PIDD1: variants seen among roughly 807,000 people sequenced by gnomAD.
PIDD1 encodes the protein p53-induced death domain protein 1, also known as p53-induced death domain-containing protein 1.
A neutral mutation model predicts 80.0 loss-of-function variants in PIDD1; 72 were observed. That is an observed-to-expected ratio of 0.90 (90% CI 0.74 to 1.09). The LOEUF is 1.09. PIDD1 is among the 50% of genes least tolerant of loss of function. PIDD1 has a pLI of 0.00. For synonymous variants in PIDD1, 655 were observed against 543.5 expected (o/e 1.21, Z -2.85); for missense variants, 1,329 against 1,228.3 (o/e 1.08, Z -1.23).
chr11:801,865 GGGGCA>G (rs1565059926), intron 7 of PIDD1, 95 bp downstream of exon 7: 2 of 1,458,842 alleles, frequency 1.4e-6, no homozygotes, highest in East Asian at 2.4e-5. Flanking sequence ...CAGGAGGGAC[GGGGCA>G]GGGTGGAAGG....
upstream of PIDD1, among the ~76,000 whole-genome samples, chr11:808,125 A>G (rs1865872374): frequency 1.2e-5 from 1 of 80,422 alleles, no homozygotes; most frequent in African/African-American, 5.1e-5. Flanking sequence ...GTTTGGGATA[A>G]TAAAAAAAAA....
Position 801,320 on chromosome 11 carries a change from G to C in PIDD1, c.1528C>G (p.Pro510Ala). Reference protein sequence around the residue: ...GRELQALLGEPEAAVSPLLCL... With the variant: ...GRELQALLGEAEAAVSPLLCL... ...AGCAGGGGGCTCACTGCAGCCTCTG[G>C]TTCTCCCAGGAGGGCCTGCAGCTCT... Residue 510 changes from proline to alanine, a missense_variant, in exon 9 of 16, where the codon CCA becomes GCA. Coordinates refer to ENST00000347755, the MANE Select transcript of PIDD1 (RefSeq NM_145886.4). 2 of 1,607,108 alleles carry C rather than the reference G, an allele frequency of 1.2e-6. No individual in the cohort carries two copies. Among genetic ancestry groups the C allele is most frequent in the Non-Finnish European group, 1.7e-6 (2 of 1,176,804 alleles).
In PIDD1 at chr11:804,328, C is replaced by T; in HGVS notation, c.61G>A (p.Glu21Lys). The change falls in exon 2 of 16, where the codon GAG becomes AAG. Residue 21 changes from glutamate to lysine, a missense_variant. Glu to Lys is a moderately conservative substitution (Grantham distance 56). Coordinates refer to ENST00000347755, the MANE Select transcript of PIDD1 (RefSeq NM_145886.4). ...EAAAAAGDAS[E>K]DSDAGSRALP... ...GCCCTGGACCCTGCGTCCGAATCCT[C>T]TGAAGCATCTCCTGCGGCAGCAGCT... 1 of 1,611,400 alleles carries T rather than the reference C, an allele frequency of 6.2e-7. No homozygotes were observed. Among genetic ancestry groups the T allele is most frequent in the African/African-American group, 1.3e-5 (1 of 75,044 alleles).
Position 803,379 on chromosome 11 carries a change from C to T in PIDD1, c.504G>A (p.Gly168=). The T allele has an allele frequency of 1.2e-6, 2 of 1,613,948 alleles. No homozygotes were observed. Among genetic ancestry groups the T allele is most frequent in the Non-Finnish European group, 1.7e-6 (2 of 1,179,988 alleles). The change falls in exon 3 of 16, where the codon GGG becomes GGA. Residue 168 remains glycine (G), a synonymous_variant. Transcript: ENST00000347755. The part of the protein sequence containing the change: ...NCLSELPEAL[G]ALPALTFLTV... The stretch of plus-strand genomic sequence containing the variant: ...TGAGGAAGGTGAGGGCGGGGAGGGC[C>T]CCCAGAGCCTCAGGCAGCTCAGAGA...
In PIDD1 at chr11:804,280, G is replaced by A. The variant is rs182019347; in HGVS notation, c.109C>T (p.Arg37Trp). The change falls in exon 2 of 16, where the codon CGG (arginine) becomes TGG (tryptophan). Residue 37 changes from arginine to tryptophan, a missense_variant. By Grantham distance (101) the Arg-to-Trp change is moderately radical. Coordinates refer to ENST00000347755, the MANE Select transcript of PIDD1 (RefSeq NM_145886.4). Reference sequence around the variant, plus strand: ...CCGGGGTACAGGTCCAAGCTCAGCCGGTTGCCGCCCAGGAAAGGCAGCGCC... The same window carrying A: ...CCGGGGTACAGGTCCAAGCTCAGCCAGTTGCCGCCCAGGAAAGGCAGCGCC... ...SRALPFLGGN[R>W]LSLDLYPGGC... The A allele has an allele frequency of 1.4e-5, 23 of 1,612,842 alleles. No individual in the cohort carries two copies. Among genetic ancestry groups the A allele is most frequent in the Non-Finnish European group, 1.7e-5 (20 of 1,179,990 alleles).
Position 799,425 on chromosome 11 carries a change from A to ACTG in PIDD1, c.2612_2614dup (p.Ala871dup), listed in dbSNP as rs748949188. 9 of 1,611,308 alleles carry ACTG rather than the reference A, an allele frequency of 5.6e-6. No homozygotes were observed. The highest frequency in any genetic ancestry group is 7.6e-6 in the Non-Finnish European group (9 of 1,179,862). On this transcript the variant is annotated inframe_insertion, in exon 16 of 16. Transcript: ENST00000347755. Reference sequence around the variant, plus strand: ...GTACTTGCGGCGGCCGAGCTCCAAGACTGCGCGCACCTCTTCAGCCACGTC... The same window carrying ACTG: ...GTACTTGCGGCGGCCGAGCTCCAAGACTGCTGCGCGCACCTCTTCAGCCACGTC...
chr11:805,314 C>A (rs1356698528), upstream of PIDD1: 8 of 746,634 alleles, frequency 1.1e-5, no homozygotes, highest in Non-Finnish European at 1.3e-5. Context: ...CGCGCCCCCT[C>A]CGCCGGGCTG....
Position 799,940 on chromosome 11 carries a change from C to T in PIDD1, c.2349G>A (p.Glu783=). ...SLAPLNLGDA[E]TGFLTQSNLL... The stretch of plus-strand genomic sequence containing the variant: ...GGTTGCTCTGCGTCAGAAAGCCGGT[C>T]TCGGCATCTCCCAGATTCAAGGGTG... Residue 783 remains glutamate, a synonymous_variant, in exon 15 of 16, where the codon GAG becomes GAA. Transcript: ENST00000347755. The T allele has an allele frequency of 6.2e-7, 1 of 1,612,828 alleles. No individual in the cohort carries two copies. The highest frequency in any genetic ancestry group is 8.5e-7 in the Non-Finnish European group (1 of 1,179,954).
chr11:803,063 C>G (rs1174296933), intron 3 of PIDD1, 111 bp downstream of exon 3: 39 of 985,520 alleles, frequency 4.0e-5, no homozygotes, highest in Middle Eastern at 6.4e-4. Flanking sequence ...GAGGGACAAC[C>G]AAGAGGCAGC....
In PIDD1 at chr11:799,204, T is replaced by C. The variant is rs1864995135; in HGVS notation, c.*103A>G. 9.3e-6 allele frequency: 11 copies of C among 1,180,536 alleles called. No homozygotes were observed. Among genetic ancestry groups the C allele is most frequent in the African/African-American group, 1.5e-5 (1 of 64,960 alleles). The allele number at this position is 1,180,536 out of a possible 1,614,324, so 73.1% of individuals were successfully genotyped here. ...TGAGGTGAAAGAAACAGTGCAGTTT[T>C]GTTGCTCACAGGGACCCGTCCCCAC... On this transcript the variant is annotated 3_prime_UTR_variant, in exon 16 of 16. Coordinates refer to ENST00000347755, the MANE Select transcript of PIDD1 (RefSeq NM_145886.4).
Position 799,812 on chromosome 11 carries a change from C to A in PIDD1, c.2474+3G>T. ...GGCAGCCAGCGGGCAGTGGGAGCCT[C>A]ACCGGAACTCGTGCCGGATGCGCTG... On this transcript the variant is annotated splice_donor_region_variant and intron_variant, in intron 15 of 15. Transcript: ENST00000347755. 1 of 1,564,070 alleles carries A rather than the reference C, an allele frequency of 6.4e-7. No individual in the cohort carries two copies. The highest frequency in any genetic ancestry group is 8.7e-7 in the Non-Finnish European group (1 of 1,155,658).
At chr11:808,284 G>C (rs796969323), upstream of PIDD1, among the ~76,000 whole-genome samples, 1 of 151,946 alleles carries the variant, frequency 6.6e-6, no homozygotes, top group Non-Finnish European at 1.5e-5. Flanking sequence ...AAAATTAGCC[G>C]GGCATGGTAG....
At chr11:802,627 C>T in intron 4 of PIDD1, 30 bp from the exon 5 acceptor site, 2 of 1,609,894 alleles carry the variant, frequency 1.2e-6, no homozygotes, top group Non-Finnish European at 1.7e-6. Flanking sequence ...GTGCTCAGGA[C>T]AGTGAGGAGA....
At chr11:806,588 T>C (rs899767797), upstream of PIDD1, among the ~76,000 whole-genome samples, 1 of 151,614 alleles carries the variant, frequency 6.6e-6, no homozygotes, top group African/African-American at 2.4e-5. Flanking sequence ...GGATCTTTTT[T>C]TTTTTTTTCT....
At chr11:806,542 C>T (rs945779589), upstream of PIDD1, among the ~76,000 whole-genome samples, 2 of 152,102 alleles carry the variant, frequency 1.3e-5, no homozygotes, top group African/African-American at 2.4e-5. Context: ...CTCCCTGCTT[C>T]CATTCACCCC....
intron 7 of PIDD1, 53 bp downstream of exon 7, chr11:801,912 G>A (rs1384619195): frequency 2.8e-5 from 44 of 1,584,678 alleles, no homozygotes; most frequent in South Asian, 1.5e-4. Flanking sequence ...AGAGGTGCAC[G>A]GCTCAGGGCA....
upstream of PIDD1, among the ~76,000 whole-genome samples, chr11:808,780 C>G (rs979251015): frequency 2.0e-5 from 3 of 152,218 alleles, no homozygotes; most frequent in Non-Finnish European, 4.4e-5. Flanking sequence ...AGCAAAAAAA[C>G]CTTTCTGTAC....
rs201895214 is a variant in PIDD1 at position 804,256 on chromosome 11, C to T, written c.133G>A (p.Gly45Arg). 1.3e-4 allele frequency: 206 copies of T among 1,612,916 alleles called. No individual in the cohort carries two copies. The highest frequency in any genetic ancestry group is 1.7e-4 in the Non-Finnish European group (195 of 1,179,988). ...AGGTGCAGCAGCTGCTGGCAGCCCC[C>T]GGGGTACAGGTCCAAGCTCAGCCGG... ...GNRLSLDLYPGGCQQLLHLCV... is the reference protein window; with the variant it reads ...GNRLSLDLYPRGCQQLLHLCV... Residue 45 changes from glycine (G) to arginine (R), a missense_variant, in exon 2 of 16, where the codon GGG becomes AGG. Gly to Arg is a moderately radical substitution (Grantham distance 125). Coordinates refer to ENST00000347755, the MANE Select transcript of PIDD1 (RefSeq NM_145886.4).
chr11:804,694 C>A, intron 1 of PIDD1: 1 of 380,190 alleles, frequency 2.6e-6, no homozygotes, highest in East Asian at 4.6e-5. Flanking sequence ...AGGGAGACCT[C>A]GCTATGAGCA....
Sources: allele counts gnomAD v4.1 joint callset (sites outside exome capture counted in the v4.1 genomes callset), GRCh38; gene constraint gnomAD v4.1.1; transcripts MANE v1.5; gene names NCBI Gene and HGNC (gene_info 2026-07-23, HGNC 2026-07-21).